Variants in FBXO34 observed in about 807,000 individuals in gnomAD.
FBXO34 encodes F-box protein 34.
FBXO34 carries 12 observed loss-of-function variants against 24.5 expected under a neutral mutation model. That is an observed-to-expected ratio of 0.49 (90% CI 0.31 to 0.79). The LOEUF (loss-of-function observed/expected upper bound fraction) is 0.79, where lower values mean the gene tolerates loss of function less well. Ranked by LOEUF, FBXO34 falls within the 30% of genes least tolerant of loss-of-function variation. The pLI is 0.04. For synonymous variants in FBXO34, 320 were observed against 311.9 expected, an observed-to-expected ratio of 1.03 and a Z score of -0.27; for missense variants, 823 against 857.7, an observed-to-expected ratio of 0.96 and a Z score of 0.51.
intron 1 of FBXO34, among the ~76,000 whole-genome samples, chr14:55,341,628 A>G (rs1460445643): frequency 6.6e-6 from 1 of 152,184 alleles, no homozygotes; most frequent in Non-Finnish European, 1.5e-5. Flanking sequence ...GGTAATGCTC[A>G]ATGTATTTTT....
At position 55,351,549 on chromosome 14, in the gene FBXO34, G is replaced by A; in HGVS notation, c.1159G>A (p.Ala387Thr). The A allele has an allele frequency of 1.2e-6, 2 of 1,614,162 alleles. No homozygotes were observed. Among genetic ancestry groups the A allele is most frequent in the Non-Finnish European group, 1.7e-6 (2 of 1,180,030 alleles). The part of the protein sequence containing the change: ...PAGVSFHIDS[A>T]ELEPGSQTAV... ...AGGAGTGAGTTTCCACATAGACAGT[G>A]CAGAGTTAGAGCCGGGTTCGCAAAC... Residue 387 changes from alanine (A) to threonine (T), a missense_variant, in exon 2 of 2, where the codon GCA becomes ACA. Around this residue, in one of 2 missense-constraint regions of FBXO34, gnomAD observed 693 missense variants for 659.1 expected, o/e 1.05. Transcript: ENST00000313833.
the FBXO34 span, among the ~76,000 whole-genome samples, chr14:55,398,283 C>T: frequency 1.2e-4 from 19 of 152,066 alleles, no homozygotes; most frequent in African/African-American, 4.6e-4. Flanking sequence ...AGTTTTCTAT[C>T]TTTATTTTCT....
At chr14:55,292,345 T>C (rs940160008) in intron 1 of FBXO34, among the ~76,000 whole-genome samples, 47 of 152,108 alleles carry the variant, frequency 3.1e-4, no homozygotes, top group Non-Finnish European at 2.8e-4. Flanking sequence ...GGTAGTATTA[T>C]AAGCTGTATT....
chr14:55,435,797 G>A, the FBXO34 span: 1 of 1,286,390 alleles, frequency 7.8e-7, no homozygotes, highest in South Asian at 1.4e-5. Flanking sequence ...ATTAAGAAAA[G>A]TAAATCTAAA....
chr14:55,335,820 A>G (rs74689872), intron 1 of FBXO34, among the ~76,000 whole-genome samples: 8,839 of 152,304 alleles, frequency 0.058, 325 homozygotes, highest in South Asian at 0.09. Flanking sequence ...TTATATCCAT[A>G]TATACATAAT....
the FBXO34 span, among the ~76,000 whole-genome samples, chr14:55,397,943 CTTTTTTTTTTTT>C: frequency 9.5e-6 from 1 of 105,558 alleles, no homozygotes; most frequent in East Asian, 2.9e-4. Context: ...TGCAGTAATT[CTTTTTTTTTTTT>C]TTTTTTTTTT....
chr14:55,335,918 C>G (rs1883760380), intron 1 of FBXO34, among the ~76,000 whole-genome samples: 1 of 152,172 alleles, frequency 6.6e-6, no homozygotes, highest in Non-Finnish European at 1.5e-5. Flanking sequence ...AAAATTAGTA[C>G]TGTCATTTTC....
intron 3 of FBXO34, among the ~76,000 whole-genome samples, chr14:55,359,322 A>C (rs568083811): frequency 6.6e-6 from 1 of 152,268 alleles, no homozygotes; most frequent in East Asian, 1.9e-4. Context: ...CCCTAAATGC[A>C]CACCTGGGAA....
chr14:55,410,100 AG>A, the FBXO34 span, among the ~76,000 whole-genome samples: 1 of 152,234 alleles, frequency 6.6e-6, no homozygotes, highest in Admixed American at 6.5e-5. Flanking sequence ...CCTGAACCAA[AG>A]GAACAATGAG....
At chr14:55,429,352 A>C in the FBXO34 span, among the ~76,000 whole-genome samples, 3 of 152,236 alleles carry the variant, frequency 2.0e-5, no homozygotes, top group African/African-American at 7.2e-5. Flanking sequence ...CACCTCAGAC[A>C]TGCAGAAACT....
At chr14:55,311,567 A>G (rs1466749240) in intron 1 of FBXO34, among the ~76,000 whole-genome samples, 1 of 152,182 alleles carries the variant, frequency 6.6e-6, no homozygotes, top group African/African-American at 2.4e-5. Flanking sequence ...AGCCTGTAAA[A>G]TCAAAAGCAA....
chr14:55,431,939 T>C, the FBXO34 span, among the ~76,000 whole-genome samples: 29 of 152,176 alleles, frequency 1.9e-4, no homozygotes, highest in African/African-American at 7.0e-4. Context: ...TGAATCAAAA[T>C]ACCAGCTATC....
the FBXO34 span, among the ~76,000 whole-genome samples, chr14:55,398,497 C>T: frequency 6.6e-6 from 1 of 152,114 alleles, no homozygotes; most frequent in Non-Finnish European, 1.5e-5. Context: ...AACTTTTAAT[C>T]TTCCATAAGA....
chr14:55,381,965 G>A, the FBXO34 span: 1 of 1,612,484 alleles, frequency 6.2e-7, no homozygotes, highest in Non-Finnish European at 8.5e-7. Context: ...TTCTCACCAG[G>A]CCCCTGGGTT....
At chr14:55,294,941 T>C (rs1034778817) in intron 1 of FBXO34, among the ~76,000 whole-genome samples, 4 of 152,366 alleles carry the variant, frequency 2.6e-5, no homozygotes, top group Non-Finnish European at 5.9e-5. Flanking sequence ...TAGCTTAGCC[T>C]AGCCTACCTT....
At chr14:55,297,025 C>T (rs1457622229) in intron 1 of FBXO34, among the ~76,000 whole-genome samples, 4 of 152,126 alleles carry the variant, frequency 2.6e-5, no homozygotes, top group African/African-American at 9.7e-5. Context: ...TGTAGGAAGA[C>T]CCACCCTAAT....
the FBXO34 span, chr14:55,428,925 T>C: frequency 9.3e-6 from 15 of 1,614,064 alleles, no homozygotes; most frequent in Non-Finnish European, 1.3e-5. Flanking sequence ...AACCCAAGCT[T>C]CTGCACCACA....
Position 55,331,743 on chromosome 14 carries a change from G to GTATATATATA in FBXO34, c.-10-18637_-10-18636insATATATATAT, listed in dbSNP as rs1250386276. Among the ~76,000 whole-genome samples the GTATATATATA allele has an allele frequency of 7.0e-5, 3 of 42,954 alleles. No individual in the cohort carries two copies. The African/African-American group carries it at 1.0e-3, about 14-fold the overall frequency. The allele number at this position is 42,954 out of a possible 152,430, so 28.2% of individuals were successfully genotyped here. On this transcript the variant is annotated intron_variant, in intron 1 of 1. Transcript: ENST00000313833. ...TATATATATATGTATATATATATGTGTGTATATATATATATATGTATATAT... is the reference window on the plus strand; with the variant it reads ...TATATATATATGTATATATATATGTGTATATATATATGTATATATATATATATGTATATAT...
At chr14:55,382,933 T>C in the FBXO34 span, among the ~76,000 whole-genome samples, 2 of 152,274 alleles carry the variant, frequency 1.3e-5, no homozygotes, top group African/African-American at 4.8e-5. Context: ...AAACCTATTA[T>C]ACATTTTTAT....
Sources: gnomAD v4.1 joint callset for allele counts (sites outside exome capture counted in the v4.1 genomes callset) on GRCh38, gnomAD v4.1.1 for gene constraint, gnomAD v4.1.1 regional missense constraint, MANE v1.5 for transcripts, NCBI Gene and HGNC (gene_info 2026-07-23, HGNC 2026-07-21) for gene names.